The following MAPK10 variants were observed in gnomAD, a reference collection of about 807,000 sequenced individuals.
MAPK10 encodes JNK3 alpha protein kinase.
A neutral mutation model predicts 59.3 loss-of-function variants in MAPK10; 25 were observed. That is an observed-to-expected ratio of 0.42 (90% confidence interval 0.31 to 0.59). MAPK10 has a LOEUF of 0.59. Among genes scored for constraint, MAPK10 ranks in the 20% least tolerant of loss-of-function variants. MAPK10 has a pLI of 0.15. For synonymous variants in MAPK10, 190 were observed against 200.5 expected (o/e 0.95, Z 0.44); for missense variants, 351 against 568.9 (o/e 0.62, Z 3.90).
intron 1 of MAPK10, among the ~76,000 whole-genome samples, chr4:86,469,320 A>G (rs962273653): frequency 6.6e-6 from 1 of 152,214 alleles, no homozygotes; most frequent in Non-Finnish European, 1.5e-5. Context: ...CTTCAGCAGA[A>G]TCTAATGAAG....
chr4:86,365,747 A>G (rs1737768819), intron 1 of MAPK10, among the ~76,000 whole-genome samples: 1 of 152,200 alleles, frequency 6.6e-6, no homozygotes, highest in Non-Finnish European at 1.5e-5. Context: ...TTAGGTCTAA[A>G]AACACTTTAA....
At chr4:86,342,175 C>T (rs745574651) in intron 2 of MAPK10, among the ~76,000 whole-genome samples, 4 of 152,034 alleles carry the variant, frequency 2.6e-5, no homozygotes, top group Non-Finnish European at 5.9e-5. Flanking sequence ...ATAATGATGT[C>T]CCTGATAGCG....
intron 1 of MAPK10, among the ~76,000 whole-genome samples, chr4:86,414,343 C>T (rs905020669): frequency 3.9e-5 from 6 of 152,138 alleles, no homozygotes; most frequent in African/African-American, 1.4e-4. Flanking sequence ...CATTGCATTT[C>T]GCCCTTTGAG....
intron 11 of MAPK10, among the ~76,000 whole-genome samples, chr4:86,035,769 G>A (rs1221352391): frequency 6.6e-6 from 1 of 152,156 alleles, no homozygotes; most frequent in Non-Finnish European, 1.5e-5. Context: ...ATAGAGAATG[G>A]AAAAGGGGAA....
intron 1 of MAPK10, among the ~76,000 whole-genome samples, chr4:86,569,226 A>G (rs1692291589): frequency 1.3e-5 from 2 of 152,188 alleles, no homozygotes; most frequent in African/African-American, 4.8e-5. Context: ...CATCAAAGAA[A>G]TGCAAATTGA....
At chr4:86,181,799 C>A (rs1180124719) in intron 3 of MAPK10, among the ~76,000 whole-genome samples, 2 of 151,974 alleles carry the variant, frequency 1.3e-5, no homozygotes, top group Non-Finnish European at 2.9e-5. Flanking sequence ...ACAAAGAATG[C>A]GGTAAGTGCT....
At chr4:86,117,372 T>C (rs1192733601) in intron 4 of MAPK10, among the ~76,000 whole-genome samples, 1 of 152,204 alleles carries the variant, frequency 6.6e-6, no homozygotes, top group African/African-American at 2.4e-5. Flanking sequence ...CAGTGATCAC[T>C]ACACCCTGTC....
intron 1 of MAPK10, among the ~76,000 whole-genome samples, chr4:86,401,587 C>T (rs573750688): frequency 1.2e-3 from 185 of 152,232 alleles, no homozygotes; most frequent in African/African-American, 4.4e-3. Flanking sequence ...AATCATGTTT[C>T]TCTTTTTACT....
intron 1 of MAPK10, among the ~76,000 whole-genome samples, chr4:86,389,658 G>A (rs1741948147): frequency 6.6e-6 from 1 of 152,104 alleles, no homozygotes; most frequent in African/African-American, 2.4e-5. Context: ...CCTGTGTTTT[G>A]TGCAATTTTA....
intron 2 of MAPK10, among the ~76,000 whole-genome samples, chr4:86,286,165 A>G (rs1312968862): frequency 6.6e-6 from 1 of 152,234 alleles, no homozygotes; most frequent in African/African-American, 2.4e-5. Flanking sequence ...ATTTTTAAAG[A>G]AATGTGTAAA....
intron 1 of MAPK10, chr4:86,356,564 T>C: frequency 4.3e-6 from 2 of 466,542 alleles, no homozygotes; most frequent in Non-Finnish European, 5.6e-6. Flanking sequence ...ACAGGTTTTG[T>C]ATTTTCCCCT....
chr4:86,567,323 C>T (rs1221735449), intron 1 of MAPK10, among the ~76,000 whole-genome samples: 2 of 151,852 alleles, frequency 1.3e-5, no homozygotes, highest in Admixed American at 6.6e-5. Flanking sequence ...CAGGTTCAAG[C>T]GATTCTCCTG....
intron 1 of MAPK10, among the ~76,000 whole-genome samples, chr4:86,567,236 TTGA>T (rs1761121347): frequency 6.6e-6 from 1 of 152,098 alleles, no homozygotes; most frequent in Admixed American, 6.6e-5. Context: ...TTTTTTTTTT[TTGA>T]GATGGAGTTT....
At position 86,279,365 on chromosome 4, in the gene MAPK10, T is replaced by A. The variant is rs570240837; in HGVS notation, c.-7+75165A>T. ...TTGAGCAGATAGAGAAGTACGCACA[T>A]CCTGTAGCCTGAAAGCCTAGCTTCA... On this transcript the variant is annotated intron_variant, in intron 2 of 13. Transcript: ENST00000641462. Among the ~76,000 whole-genome samples the A allele has an allele frequency of 5.3e-5, 8 of 152,276 alleles. No individual in the cohort carries two copies. The South Asian group carries it at 1.7e-3, about 32-fold the overall frequency.
chr4:86,304,264 A>C (rs1326611175), intron 2 of MAPK10, among the ~76,000 whole-genome samples: 3 of 152,120 alleles, frequency 2.0e-5, no homozygotes, highest in Admixed American at 2.0e-4. Flanking sequence ...AACAGTGGGA[A>C]GCCACTGAAG....
chr4:86,075,332 G>T (rs1275282731), intron 9 of MAPK10, among the ~76,000 whole-genome samples: 1 of 151,860 alleles, frequency 6.6e-6, no homozygotes, highest in African/African-American at 2.4e-5. Flanking sequence ...CTTTGCCTTT[G>T]GTTTGAATGT....
chr4:86,360,339 G>T, upstream of MAPK10: 1 of 274,228 alleles, frequency 3.6e-6, no homozygotes, highest in Non-Finnish European at 5.6e-6. Flanking sequence ...ATGCAGTTCT[G>T]GCCCTTTGCA....
intron 4 of MAPK10, among the ~76,000 whole-genome samples, chr4:86,139,920 A>T (rs1384791790): frequency 2.0e-5 from 3 of 148,126 alleles, no homozygotes; most frequent in African/African-American, 7.7e-5. Context: ...CAGCCAAAAG[A>T]CACATGAAAA....
chr4:86,183,211 C>T (rs1213285242), intron 3 of MAPK10, among the ~76,000 whole-genome samples: 1 of 151,874 alleles, frequency 6.6e-6, no homozygotes, highest in African/African-American at 2.4e-5. Context: ...CATATGTATA[C>T]ATGTGCCATG....
Sources: gnomAD v4.1 joint callset for allele counts (sites outside exome capture counted in the v4.1 genomes callset) on GRCh38, gnomAD v4.1.1 for gene constraint, MANE v1.5 for transcripts, NCBI Gene and HGNC (gene_info 2026-07-23, HGNC 2026-07-21) for gene names.